Variants in CTNNA3 observed in about 807,000 individuals in gnomAD.
The protein encoded by CTNNA3 is catenin alpha 3, also known as catenin alpha-3.
Under a neutral mutation model 95.7 loss-of-function variants are expected in CTNNA3, and 76 were observed. The ratio of observed to expected loss-of-function variants is 0.79; its 90% CI spans 0.66 to 0.96. CTNNA3 has a LOEUF of 0.96. CTNNA3 is among the 40% of genes least tolerant of loss of function. The pLI is 0.00. For missense variants in CTNNA3, 1,191 were observed against 1,089.8 expected (o/e 1.09, Z -1.31); for synonymous variants, 431 against 374.4 (o/e 1.15, Z -1.74).
intron 12 of CTNNA3, among the ~76,000 whole-genome samples, chr10:66,367,489 TATA>T (rs2092718287): frequency 6.7e-6 from 1 of 149,766 alleles, no homozygotes; most frequent in African/African-American, 2.4e-5. Flanking sequence ...TATATTTATA[TATA>T]ATATTGTAAA....
At chr10:66,157,008 T>G (rs921210589) in intron 13 of CTNNA3, among the ~76,000 whole-genome samples, 1 of 151,778 alleles carries the variant, frequency 6.6e-6, no homozygotes, top group African/African-American at 2.4e-5. Context: ...TGCATTTGGG[T>G]TTTGGTTTTG....
intron 5 of CTNNA3, among the ~76,000 whole-genome samples, chr10:67,299,346 CA>C (rs1302517772): frequency 6.6e-6 from 1 of 152,034 alleles, no homozygotes; most frequent in Non-Finnish European, 1.5e-5. Flanking sequence ...TATCTATTCT[CA>C]TTATATATTC....
intron 9 of CTNNA3, among the ~76,000 whole-genome samples, chr10:66,645,872 A>G (rs1355043528): frequency 6.6e-6 from 1 of 152,194 alleles, no homozygotes; most frequent in Non-Finnish European, 1.5e-5. Context: ...CCCTGGTCCC[A>G]AAAAGGTTGG....
intron 9 of CTNNA3, among the ~76,000 whole-genome samples, chr10:66,708,265 A>T (rs549652467): frequency 6.6e-6 from 1 of 151,844 alleles, no homozygotes; most frequent in East Asian, 1.9e-4. Context: ...TAGCTTAAAC[A>T]ACATAAATTT....
At position 66,309,665 on chromosome 10, in the gene CTNNA3, G is replaced by A. The variant is rs1192503413; in HGVS notation, c.1733-29044C>T. Among the ~76,000 whole-genome samples, 6 of 124,870 alleles carry A rather than the reference G, an allele frequency of 4.8e-5. No individual in the cohort carries two copies. The South Asian group carries it at 7.8e-4, about 16-fold the overall frequency. The allele number at this position is 124,870 out of a possible 152,430, so 81.9% of individuals were successfully genotyped here. A position where few individuals can be genotyped will look rare whatever the true frequency, so the allele number is the denominator to read the frequency against. ...CGCGCCACTGCACTCCAGCCTAGGC[G>A]GCAGAGCGAGACTCCGTCTCAAAAA... On this transcript the variant is annotated intron_variant, in intron 12 of 17. Coordinates refer to ENST00000433211, the MANE Select transcript of CTNNA3 (RefSeq NM_013266.4).
rs541778934 is a variant in CTNNA3, at chr10:65,913,944, C to G, written c.*6386G>C. 11 of 152,128 alleles carry G rather than the reference C, an allele frequency of 7.2e-5. No individual in the cohort carries two copies. Among genetic ancestry groups the G allele is most frequent in the Admixed American group, 6.6e-4 (10 of 15,264 alleles). 9.4% of individuals were successfully genotyped at this position (152,128 alleles called of 1,614,324 possible). A position where few individuals can be genotyped will look rare whatever the true frequency, so the allele number is the denominator to read the frequency against. On this transcript the variant is annotated 3_prime_UTR_variant, in exon 18 of 18. Coordinates refer to ENST00000433211, the MANE Select transcript of CTNNA3 (RefSeq NM_013266.4). ...TCAGAATAGAAAAGCAAGATATCTA[C>G]AGGCTTTTGAACTATTGATACAACT...
chr10:66,895,652 A>G (rs1002114563), intron 7 of CTNNA3, among the ~76,000 whole-genome samples: 12 of 152,072 alleles, frequency 7.9e-5, no homozygotes, highest in African/African-American at 2.9e-4. Flanking sequence ...GATACAGTCC[A>G]TTTCTTTATG....
At chr10:66,805,330 T>A (rs1414381782) in intron 7 of CTNNA3, among the ~76,000 whole-genome samples, 2 of 151,596 alleles carry the variant, frequency 1.3e-5, no homozygotes, top group East Asian at 1.9e-4. Context: ...CTAGGAGCAG[T>A]CTTAGGGACT....
At position 67,470,412 on chromosome 10, in the gene CTNNA3, G is replaced by C. The variant is rs371019188; in HGVS notation, c.579+51430C>G. Among the ~76,000 whole-genome samples the C allele has an allele frequency of 4.5e-4, 68 of 152,226 alleles. No homozygotes were observed. In the South Asian group the frequency reaches 8.1e-3, roughly 18 times the overall value. ...GTAAACAGTGCTGCAATAAAAATAAGAGTACAGATATCTCTTCAACATACT... is the reference window on the plus strand; with the variant it reads ...GTAAACAGTGCTGCAATAAAAATAACAGTACAGATATCTCTTCAACATACT... On this transcript the variant is annotated intron_variant, in intron 5 of 17. Coordinates refer to ENST00000433211, the MANE Select transcript of CTNNA3 (RefSeq NM_013266.4).
chr10:67,454,353 CTA>C (rs375362194), intron 5 of CTNNA3, among the ~76,000 whole-genome samples: 65 of 152,212 alleles, frequency 4.3e-4, no homozygotes, highest in African/African-American at 1.5e-3. Context: ...TATGTTTCCT[CTA>C]TATGATAAAC....
At chr10:66,806,756 A>G (rs552355509) in intron 7 of CTNNA3, among the ~76,000 whole-genome samples, 22 of 145,832 alleles carry the variant, frequency 1.5e-4, no homozygotes, top group South Asian at 2.2e-4. Context: ...TGTGGCATAT[A>G]TGTGTGTGTG....
At chr10:67,316,906 T>C (rs1481028654) in intron 5 of CTNNA3, among the ~76,000 whole-genome samples, 1 of 152,236 alleles carries the variant, frequency 6.6e-6, no homozygotes, top group Non-Finnish European at 1.5e-5. Context: ...AAAGGGTTTC[T>C]TTTACTTTTT....
intron 1 of CTNNA3, among the ~76,000 whole-genome samples, chr10:67,722,130 T>C (rs779870634): frequency 6.6e-6 from 1 of 152,200 alleles, no homozygotes; most frequent in African/African-American, 2.4e-5. Context: ...CCCTTGTTCA[T>C]ATACAAAATC....
intron 8 of CTNNA3, among the ~76,000 whole-genome samples, chr10:66,769,903 C>T (rs1388341226): frequency 6.6e-6 from 1 of 152,194 alleles, no homozygotes; most frequent in Non-Finnish European, 1.5e-5. Flanking sequence ...CCAGGAATCA[C>T]CTCCTAAATA....
chr10:67,088,093 G>T (rs1032249719), intron 7 of CTNNA3, among the ~76,000 whole-genome samples: 3 of 151,808 alleles, frequency 2.0e-5, no homozygotes, highest in Non-Finnish European at 4.4e-5. Context: ...AAGAGTGAGA[G>T]AGTAAGTGAG....
intron 9 of CTNNA3, among the ~76,000 whole-genome samples, chr10:66,752,036 T>A (rs1332871692): frequency 2.0e-5 from 3 of 152,180 alleles, no homozygotes; most frequent in Non-Finnish European, 2.9e-5. Context: ...TAAACTAATA[T>A]AACGATTCAA....
chr10:66,199,783 ATATATATATATATATATATATATT>A (rs2087222821), intron 13 of CTNNA3, among the ~76,000 whole-genome samples: 1 of 10,318 alleles, frequency 9.7e-5, no homozygotes, highest in Non-Finnish European at 1.9e-4. Flanking sequence ...ATATATATAT[ATATATATATATATATATATATATT>A]TTTTTTTTTT....
At chr10:67,574,079 A>G (rs1355474329) in intron 3 of CTNNA3, among the ~76,000 whole-genome samples, 4 of 152,200 alleles carry the variant, frequency 2.6e-5, no homozygotes, top group African/African-American at 4.8e-5. Context: ...CATATCATAA[A>G]ACATTAAACA....
chr10:66,062,807 C>T (rs1334546301), intron 15 of CTNNA3, among the ~76,000 whole-genome samples: 1 of 152,088 alleles, frequency 6.6e-6, no homozygotes, highest in Non-Finnish European at 1.5e-5. Flanking sequence ...GAATGTTGGG[C>T]TGCTTAGCTT....
Sources: allele counts gnomAD v4.1 joint callset (sites outside exome capture counted in the v4.1 genomes callset), GRCh38; gene constraint gnomAD v4.1.1; transcripts MANE v1.5; gene names NCBI Gene and HGNC (gene_info 2026-07-23, HGNC 2026-07-21).